The following SPATA17 variants were observed in gnomAD, a reference collection of about 807,000 sequenced individuals.
SPATA17 encodes spermatogenesis-associated protein 17.
In SPATA17, 53 loss-of-function variants were observed where a neutral mutation model predicts 62.2. The observed-to-expected ratio is 0.85, with a 90% CI of 0.68 to 1.07. The LOEUF is 1.07. Ranked by LOEUF, SPATA17 falls within the 50% of genes least tolerant of loss-of-function variation. The pLI is 0.00. For missense variants in SPATA17, 466 were observed against 425.5 expected (o/e 1.10, Z -0.84); for synonymous variants, 146 against 146.8 (o/e 0.99, Z 0.04).
intron 9 of SPATA17, among the ~76,000 whole-genome samples, chr1:217,856,852 A>G (rs967288088): frequency 5.3e-5 from 8 of 152,246 alleles, no homozygotes; most frequent in Middle Eastern, 3.2e-3. Flanking sequence ...TTGATCTTGC[A>G]GGAATAATGC....
chr1:217,756,998 C>A (rs1173287237), intron 6 of SPATA17, among the ~76,000 whole-genome samples: 6 of 152,172 alleles, frequency 3.9e-5, no homozygotes, highest in African/African-American at 1.4e-4. Context: ...TTAATGAATA[C>A]TCATGACAGT....
chr1:217,777,387 G>A (rs10863347), intron 7 of SPATA17, among the ~76,000 whole-genome samples: 116,465 of 152,000 alleles, frequency 0.77, 45,022 homozygotes, highest in Non-Finnish European at 0.81. Flanking sequence ...TTCAGTTCCT[G>A]TGATATTCTA....
rs34000760 is a variant in SPATA17 at position 217,748,743 on chromosome 1, CAAAAA to C, written c.519+6661_519+6665del. Among the ~76,000 whole-genome samples, 163 of 115,372 alleles carry C rather than the reference CAAAAA, an allele frequency of 1.4e-3. 1 individual carries two copies. Among genetic ancestry groups the C allele is most frequent in the African/African-American group, 2.6e-3 (79 of 29,836 alleles). The allele number at this position is 115,372 out of a possible 152,430, so 75.7% of individuals were successfully genotyped here. On this transcript the variant is annotated intron_variant, in intron 6 of 10. Coordinates refer to ENST00000366933, the MANE Select transcript of SPATA17 (RefSeq NM_138796.4). ...TGGGTGGCAGAGCAAGACTCTGACTCAAAAAAAAAAAAAAAAAAAACTTTAATTCT... is the reference window on the plus strand; with the variant it reads ...TGGGTGGCAGAGCAAGACTCTGACTCAAAAAAAAAAAAAAACTTTAATTCT...
At chr1:217,861,106 T>C (rs985378184) in intron 9 of SPATA17, among the ~76,000 whole-genome samples, 19 of 152,064 alleles carry the variant, frequency 1.2e-4, no homozygotes, top group African/African-American at 4.1e-4. Context: ...CCTGATTCCT[T>C]CCTCCCATTT....
At chr1:217,723,365 A>G (rs1672184932) in intron 5 of SPATA17, among the ~76,000 whole-genome samples, 1 of 152,082 alleles carries the variant, frequency 6.6e-6, no homozygotes, top group South Asian at 2.1e-4. Context: ...CCCATAAAAG[A>G]TTTGTTTCTA....
chr1:217,631,970 G>T (rs1016449502), intron 1 of SPATA17, among the ~76,000 whole-genome samples: 5 of 152,102 alleles, frequency 3.3e-5, no homozygotes, highest in African/African-American at 7.2e-5. Flanking sequence ...ATCACCTGAG[G>T]CCAGGAGTTC....
intron 4 of SPATA17, among the ~76,000 whole-genome samples, chr1:217,681,850 A>AT (rs918791959): frequency 3.3e-5 from 5 of 152,168 alleles, no homozygotes; most frequent in Non-Finnish European, 5.9e-5. Context: ...TATACTAAAT[A>AT]TTTTTTAGCT....
At chr1:217,720,610 T>C (rs923691210) in intron 5 of SPATA17, among the ~76,000 whole-genome samples, 1 of 152,094 alleles carries the variant, frequency 6.6e-6, no homozygotes, top group Non-Finnish European at 1.5e-5. Flanking sequence ...CTGGGCAATA[T>C]CGTAAGGCCT....
At chr1:217,827,321 T>C (rs1314118928) in intron 9 of SPATA17, among the ~76,000 whole-genome samples, 3 of 152,168 alleles carry the variant, frequency 2.0e-5, no homozygotes, top group African/African-American at 7.2e-5. Context: ...GAAGAATTAA[T>C]ATTGTTAAAA....
At chr1:217,763,057 A>T (rs1360745619) in intron 6 of SPATA17, among the ~76,000 whole-genome samples, 1 of 152,236 alleles carries the variant, frequency 6.6e-6, no homozygotes, top group Admixed American at 6.5e-5. Flanking sequence ...TTTAGGGAAA[A>T]GCTTGAACAT....
At chr1:217,773,281 A>G (rs1673499688) in intron 6 of SPATA17, among the ~76,000 whole-genome samples, 1 of 152,202 alleles carries the variant, frequency 6.6e-6, no homozygotes, top group Non-Finnish European at 1.5e-5. Flanking sequence ...AAGAGAAATC[A>G]CATTTTTAGT....
rs910375684 is a variant in SPATA17 at position 217,868,241 on chromosome 1, TTATAGA to T, written c.*1227_*1232del. On this transcript the variant is annotated 3_prime_UTR_variant, in exon 11 of 11. Transcript: ENST00000366933. ...CATGGTATTGTTTTGGTTTACAAAG[TTATAGA>T]TATAAATGTTGAAATATTTACAGAT... The T allele has an allele frequency of 2.6e-5, 4 of 152,158 alleles. No individual in the cohort carries two copies. The highest frequency in any genetic ancestry group is 7.2e-5 in the African/African-American group (3 of 41,432). The allele number at this position is 152,158 out of a possible 1,614,324, so 9.4% of individuals were successfully genotyped here.
chr1:217,832,760 T>C (rs1300596547), intron 9 of SPATA17, among the ~76,000 whole-genome samples: 3 of 151,978 alleles, frequency 2.0e-5, no homozygotes, highest in African/African-American at 4.8e-5. Context: ...CTGGGCAACA[T>C]TGCAAAACTC....
At chr1:217,703,591 A>G (rs1002646564) in intron 5 of SPATA17, among the ~76,000 whole-genome samples, 1 of 152,128 alleles carries the variant, frequency 6.6e-6, no homozygotes, top group South Asian at 2.1e-4. Flanking sequence ...TTGTAATGTC[A>G]TGTTATTTTA....
intron 3 of SPATA17, among the ~76,000 whole-genome samples, chr1:217,653,009 T>G (rs1052458541): frequency 5.3e-5 from 8 of 152,244 alleles, no homozygotes; most frequent in Non-Finnish European, 7.3e-5. Flanking sequence ...GTGATGCTGT[T>G]GTTAGTATTA....
At chr1:217,660,086 AT>A (rs1218983727) in intron 3 of SPATA17, among the ~76,000 whole-genome samples, 1 of 152,116 alleles carries the variant, frequency 6.6e-6, no homozygotes, top group Non-Finnish European at 1.5e-5. Flanking sequence ...TCACCCAAAG[AT>A]TTTTGGCAAA....
intron 10 of SPATA17, among the ~76,000 whole-genome samples, chr1:217,865,698 G>A (rs995576028): frequency 6.6e-6 from 1 of 152,094 alleles, no homozygotes; most frequent in South Asian, 2.1e-4. Context: ...AGAAAAATTA[G>A]CAAGATAAGG....
At chr1:217,733,941 C>G (rs1672452010) in intron 5 of SPATA17, among the ~76,000 whole-genome samples, 2 of 152,120 alleles carry the variant, frequency 1.3e-5, no homozygotes, top group African/African-American at 4.8e-5. Flanking sequence ...AAGGGCTGCC[C>G]TAATGGAATT....
chr1:217,641,997 A>G (rs1170746580), intron 1 of SPATA17, among the ~76,000 whole-genome samples: 3 of 152,198 alleles, frequency 2.0e-5, no homozygotes, highest in Non-Finnish European at 4.4e-5. Flanking sequence ...AAGATTACAA[A>G]TCAGTAATTT....
Sources: allele counts gnomAD v4.1 joint callset (sites outside exome capture counted in the v4.1 genomes callset), GRCh38; gene constraint gnomAD v4.1.1; transcripts MANE v1.5; gene names NCBI Gene and HGNC (gene_info 2026-07-23, HGNC 2026-07-21).